The following CACNA2D3 variants were observed in gnomAD, a reference collection of about 807,000 sequenced individuals.
The protein encoded by CACNA2D3 is calcium voltage-gated channel auxiliary subunit alpha2delta 3, also known as voltage-dependent calcium channel subunit alpha-2/delta-3.
In CACNA2D3, 60 loss-of-function variants were observed where a neutral mutation model predicts 160.6. That is an observed-to-expected ratio of 0.37 (90% CI 0.30 to 0.46). The LOEUF (loss-of-function observed/expected upper bound fraction) is 0.46, where lower values mean the gene tolerates loss of function less well. Among genes scored for constraint, CACNA2D3 ranks in the 20% least tolerant of loss-of-function variants. The pLI is 1.00. For missense variants in CACNA2D3, 1,205 were observed against 1,365.0 expected, an observed-to-expected ratio of 0.88 and a Z score of 1.85; for synonymous variants, 558 against 492.9, an observed-to-expected ratio of 1.13 and a Z score of -1.75.
At chr3:54,161,279 A>G (rs1011868008) in intron 2 of CACNA2D3, among the ~76,000 whole-genome samples, 1 of 152,204 alleles carries the variant, frequency 6.6e-6, no homozygotes, top group African/African-American at 2.4e-5. Flanking sequence ...CCAGATCCTT[A>G]CACTGCCGTG....
intron 11 of CACNA2D3, among the ~76,000 whole-genome samples, chr3:54,649,451 CTCAG>C (rs1299551286): frequency 2.4e-4 from 37 of 152,338 alleles, no homozygotes; most frequent in African/African-American, 7.9e-4. Context: ...GACTCCCTAT[CTCAG>C]TCAGCTTGCG....
At chr3:54,935,168 A>T (rs1260326914) in intron 27 of CACNA2D3, among the ~76,000 whole-genome samples, 1 of 152,142 alleles carries the variant, frequency 6.6e-6, no homozygotes, top group Non-Finnish European at 1.5e-5. Flanking sequence ...CAGTTCTTAG[A>T]AGTCCTTGCT....
intron 4 of CACNA2D3, among the ~76,000 whole-genome samples, chr3:54,465,541 C>T (rs951484424): frequency 4.6e-5 from 7 of 152,150 alleles, no homozygotes; most frequent in Non-Finnish European, 7.3e-5. Context: ...GAACGTATCT[C>T]TGTGGATAAG....
intron 9 of CACNA2D3, among the ~76,000 whole-genome samples, chr3:54,616,204 T>G (rs940725159): frequency 1.3e-5 from 2 of 152,170 alleles, no homozygotes; most frequent in African/African-American, 4.8e-5. Flanking sequence ...TGGCTCAGGG[T>G]CTCTAGTGAG....
intron 24 of CACNA2D3, among the ~76,000 whole-genome samples, chr3:54,889,398 G>A (rs75585874): frequency 0.026 from 4,009 of 152,226 alleles, 164 homozygotes; most frequent in African/African-American, 0.09. Context: ...ACTTGGACCC[G>A]GGCAGTGGGC....
intron 35 of CACNA2D3, among the ~76,000 whole-genome samples, chr3:55,071,958 T>A (rs1704820017): frequency 6.6e-6 from 1 of 152,222 alleles, no homozygotes; most frequent in Non-Finnish European, 1.5e-5. Flanking sequence ...GCTAGCTATC[T>A]CAGGTAGAAT....
At chr3:54,596,200 C>A (rs879732439) in intron 9 of CACNA2D3, among the ~76,000 whole-genome samples, 1 of 152,052 alleles carries the variant, frequency 6.6e-6, no homozygotes, top group Admixed American at 6.5e-5. Flanking sequence ...CCCCGGTAAT[C>A]TCCAGTCCCC....
Position 54,809,311 on chromosome 3 carries a change from C to CTTTTTTTTTTTTTTT in CACNA2D3, c.1381-7538_1381-7524dup, listed in dbSNP as rs1217898723. The stretch of plus-strand genomic sequence containing the variant: ...TCTTTCTTTCCTTCCTTCCTTCTTT[C>CTTTTTTTTTTTTTTT]TTTTTTTTTTTTTTTTTTGAGACGG... On this transcript the variant is annotated intron_variant, in intron 13 of 37. Transcript: ENST00000474759. 4.0e-3 allele frequency among the ~76,000 whole-genome samples: 320 copies of CTTTTTTTTTTTTTTT among 80,706 alleles called. 17 individuals are homozygous for CTTTTTTTTTTTTTTT. Among genetic ancestry groups the CTTTTTTTTTTTTTTT allele is most frequent in the African/African-American group, 5.3e-3 (89 of 16,816 alleles). 52.9% of individuals were successfully genotyped at this position (80,706 alleles called of 152,430 possible).
At chr3:54,344,530 C>T (rs759068685) in intron 3 of CACNA2D3, among the ~76,000 whole-genome samples, 1 of 152,186 alleles carries the variant, frequency 6.6e-6, no homozygotes, top group Non-Finnish European at 1.5e-5. Flanking sequence ...GCCTCATATG[C>T]CATCTAACCA....
chr3:55,041,375 T>C (rs1052390518), intron 35 of CACNA2D3, among the ~76,000 whole-genome samples: 1 of 152,208 alleles, frequency 6.6e-6, no homozygotes, highest in Non-Finnish European at 1.5e-5. Flanking sequence ...TTGCATTTCT[T>C]CTAGTAATGT....
At chr3:54,500,962 C>T (rs1190408945) in intron 4 of CACNA2D3, among the ~76,000 whole-genome samples, 1 of 152,224 alleles carries the variant, frequency 6.6e-6, no homozygotes, top group African/African-American at 2.4e-5. Flanking sequence ...AAGGTGCTGG[C>T]ATGTTTAGTG....
Position 54,977,924 on chromosome 3 carries a change from A to G in CACNA2D3, c.2557-6684A>G, listed in dbSNP as rs544695198. Among the ~76,000 whole-genome samples, 17 of 152,232 alleles carry G rather than the reference A, an allele frequency of 1.1e-4. 1 individual carries two copies. The South Asian group carries it at 3.5e-3, about 32-fold the overall frequency. On this transcript the variant is annotated intron_variant, in intron 29 of 37. Coordinates refer to ENST00000474759, the MANE Select transcript of CACNA2D3 (RefSeq NM_018398.3). ...CTGCTGGTTACCCATTTTTATCGTT[A>G]TTTCTTGATGATATGCTAAACAATG...
At chr3:54,665,433 A>G (rs1225980054) in intron 11 of CACNA2D3, among the ~76,000 whole-genome samples, 1 of 152,354 alleles carries the variant, frequency 6.6e-6, no homozygotes, top group African/African-American at 2.4e-5. Context: ...CTTCTTGCTC[A>G]ATGAACAAAG....
chr3:54,248,179 G>C (rs1407574999), intron 2 of CACNA2D3, among the ~76,000 whole-genome samples: 1 of 152,064 alleles, frequency 6.6e-6, no homozygotes, highest in Non-Finnish European at 1.5e-5. Context: ...GAGATTAAAA[G>C]GGTGGAGCCT....
intron 11 of CACNA2D3, among the ~76,000 whole-genome samples, chr3:54,731,662 G>A (rs563597709): frequency 1.3e-5 from 2 of 152,104 alleles, no homozygotes; most frequent in African/African-American, 4.8e-5. Context: ...CTTTACTGGG[G>A]CAGAGTAACC....
intron 2 of CACNA2D3, among the ~76,000 whole-genome samples, chr3:54,298,109 A>G (rs1251378767): frequency 6.6e-6 from 1 of 152,224 alleles, no homozygotes; most frequent in Non-Finnish European, 1.5e-5. Context: ...GGTAGACCAA[A>G]GTGTCGCCCC....
intron 35 of CACNA2D3, among the ~76,000 whole-genome samples, chr3:55,064,925 T>A (rs1704601282): frequency 1.3e-5 from 2 of 152,208 alleles, no homozygotes; most frequent in Admixed American, 1.3e-4. Flanking sequence ...TTTAGGGACC[T>A]GAGAACACTT....
At chr3:54,215,661 A>G (rs1701447902) in intron 2 of CACNA2D3, among the ~76,000 whole-genome samples, 1 of 151,916 alleles carries the variant, frequency 6.6e-6, no homozygotes, top group Admixed American at 6.6e-5. Context: ...TTACTTTTTA[A>G]CCTGTTACTC....
chr3:54,597,358 G>A (rs1054550364), intron 9 of CACNA2D3, among the ~76,000 whole-genome samples: 1 of 151,952 alleles, frequency 6.6e-6, no homozygotes, highest in African/African-American at 2.4e-5. Context: ...CCTGATTTTT[G>A]GGAGCCCTTA....
Sources: gnomAD v4.1 joint callset for allele counts (sites outside exome capture counted in the v4.1 genomes callset) on GRCh38, gnomAD v4.1.1 for gene constraint, MANE v1.5 for transcripts, NCBI Gene and HGNC (gene_info 2026-07-23, HGNC 2026-07-21) for gene names.